MYOZ1: variants seen among roughly 807,000 people sequenced by gnomAD.
MYOZ1 encodes the protein myozenin 1.
MYOZ1 carries 20 observed loss-of-function variants against 28.7 expected under a neutral mutation model. That is an observed-to-expected ratio of 0.70 (90% confidence interval 0.49 to 1.01). The LOEUF is 1.01. Among genes scored for constraint, MYOZ1 ranks in the 50% least tolerant of loss-of-function variants. MYOZ1 has a pLI of 0.00. For synonymous variants in MYOZ1, 144 were observed against 145.8 expected (o/e 0.99, Z 0.09); for missense variants, 371 against 372.4 (o/e 1.00, Z 0.03).
At chr10:73,637,497 G>A (rs2081674366) in intron 3 of MYOZ1, among the ~76,000 whole-genome samples, 1 of 152,160 alleles carries the variant, frequency 6.6e-6, no homozygotes. Context: ...CCTTTACTGG[G>A]AAGGAATTTT....
Position 73,632,022 on chromosome 10 carries a change from G to T in MYOZ1, c.808C>A (p.Arg270=), listed in dbSNP as rs774593816. ...GAGCTCAGCCAGGGAATAGGGGTTC[G>T]ATTGAAAGAAGGCCTGTTGGAGAGG... ...QNLSNRPSFN[R]TPIPWLSSGE... is the part of the protein sequence containing the mutation. The change falls in exon 6 of 6, where the codon CGA becomes AGA. Residue 270 remains arginine (R), a synonymous_variant. Coordinates refer to ENST00000359322, the MANE Select transcript of MYOZ1 (RefSeq NM_021245.4). The T allele has an allele frequency of 3.9e-5, 63 of 1,614,002 alleles. No homozygotes were observed. The highest frequency in any genetic ancestry group is 5.3e-5 in the Non-Finnish European group (62 of 1,180,040).
rs957397552 is a variant in MYOZ1 at position 73,636,799 on chromosome 10, G to T, written c.252+945C>A. Among the ~76,000 whole-genome samples the T allele has an allele frequency of 2.6e-5, 4 of 151,856 alleles. No homozygotes were observed. In the East Asian group the frequency reaches 7.7e-4, roughly 29 times the overall value. ...AGATATGCCTCCAAATATTGCTTGG[G>T]ACTTACTTATACTAAAAAAATTATT... On this transcript the variant is annotated intron_variant, in intron 3 of 5. Transcript: ENST00000359322.
chr10:73,641,055 G>A (rs2081700942), intron 1 of MYOZ1, among the ~76,000 whole-genome samples: 1 of 152,220 alleles, frequency 6.6e-6, no homozygotes, highest in Non-Finnish European at 1.5e-5. Context: ...GCAATGGAAA[G>A]GGACAAACTG....
chr10:73,636,213 T>C (rs985989763), intron 3 of MYOZ1, among the ~76,000 whole-genome samples: 4 of 152,194 alleles, frequency 2.6e-5, no homozygotes, highest in African/African-American at 9.7e-5. Context: ...TATACCATCC[T>C]GTGCCTGGCC....
At chr10:73,641,016 G>A (rs1405709497) in intron 1 of MYOZ1, among the ~76,000 whole-genome samples, 1 of 152,166 alleles carries the variant, frequency 6.6e-6, no homozygotes, top group Non-Finnish European at 1.5e-5. Context: ...GGGAATTGAG[G>A]TGGGGCAGAA....
rs1010185157 is a variant in MYOZ1 at position 73,633,964 on chromosome 10, G to C, written c.604C>G (p.Leu202Val). Reference protein sequence around the residue: ...MGVDPQQKMELGIDLLAYGAK... With the variant: ...MGVDPQQKMEVGIDLLAYGAK... ...CCATAGGCCAGCAGGTCAATGCCAAGTTCCATTTTTTGCTGGGGGTCAACC... is the reference window on the plus strand; with the variant it reads ...CCATAGGCCAGCAGGTCAATGCCAACTTCCATTTTTTGCTGGGGGTCAACC... Residue 202 changes from leucine (L) to valine (V), a missense_variant, in exon 5 of 6, where the codon CTT (leucine) becomes GTT (valine). By Grantham distance (32) the Leu-to-Val change is conservative. Coordinates refer to ENST00000359322, the MANE Select transcript of MYOZ1 (RefSeq NM_021245.4). 2 of 1,613,962 alleles carry C rather than the reference G, an allele frequency of 1.2e-6. No individual in the cohort carries two copies. The highest frequency in any genetic ancestry group is 1.3e-5 in the African/African-American group (1 of 74,934).
At chr10:73,637,671 A>T in intron 3 of MYOZ1, 73 bp downstream of exon 3, 1 of 1,385,764 alleles carries the variant, frequency 7.2e-7, no homozygotes, top group Non-Finnish European at 9.8e-7. Flanking sequence ...TGCATTTTGG[A>T]GGTTCAGGGC....
Position 73,632,018 on chromosome 10 carries a change from G to T in MYOZ1, c.812C>A (p.Thr271Asn), listed in dbSNP as rs1564982774. Residue 271 changes from threonine (T) to asparagine (N), a missense_variant, in exon 6 of 6, where the codon ACC (threonine) becomes AAC (asparagine). Coordinates refer to ENST00000359322, the MANE Select transcript of MYOZ1 (RefSeq NM_021245.4). ...CCCAGAGCTCAGCCAGGGAATAGGG[G>T]TTCGATTGAAAGAAGGCCTGTTGGA... ...NLSNRPSFNR[T>N]PIPWLSSGEP... 2 of 1,614,146 alleles carry T rather than the reference G, an allele frequency of 1.2e-6. No homozygotes were observed. Among genetic ancestry groups the T allele is most frequent in the African/African-American group, 2.7e-5 (2 of 75,026 alleles).
At chr10:73,634,241 A>C (rs149658286) in intron 4 of MYOZ1, among the ~76,000 whole-genome samples, 176 bp from the exon 5 acceptor site, 1 of 152,326 alleles carries the variant, frequency 6.6e-6, no homozygotes, top group East Asian at 1.9e-4. Context: ...TCTGTGACTG[A>C]ATCCGAAAAG....
In MYOZ1 at chr10:73,633,885, C is replaced by G. The variant is rs2081650683; in HGVS notation, c.668+15G>C. 1 of 1,591,914 alleles carries G rather than the reference C, an allele frequency of 6.3e-7. No homozygotes were observed. Among genetic ancestry groups the G allele is most frequent in the Middle Eastern group, 1.7e-4 (1 of 5,898 alleles). On this transcript the variant is annotated intron_variant, in intron 5 of 5. Coordinates refer to ENST00000359322, the MANE Select transcript of MYOZ1 (RefSeq NM_021245.4). ...CACACTAGAATGCATCTGGTTCCTT[C>G]CTCACCACCCCTACCTGTTGAAGGA...
Position 73,631,915 on chromosome 10 carries a change from A to G in MYOZ1, c.*15T>C, listed in dbSNP as rs749388696. 80 of 1,607,806 alleles carry G rather than the reference A, an allele frequency of 5.0e-5. No homozygotes were observed. The highest frequency in any genetic ancestry group is 6.5e-5 in the Non-Finnish European group (76 of 1,174,630). ...CCAGAGAGGGGAAATGATGCAAATC[A>G]GAGGAGGAAACACCTCACAGCTCCT... On this transcript the variant is annotated 3_prime_UTR_variant, in exon 6 of 6. Transcript: ENST00000359322.
Position 73,634,559 on chromosome 10 carries a change from C to A in MYOZ1, c.427G>T (p.Gly143Cys), listed in dbSNP as rs548160261. 4.3e-6 allele frequency: 7 copies of A among 1,614,104 alleles called. No homozygotes were observed. The South Asian group carries it at 6.6e-5, about 15-fold the overall frequency. ...GCCTGGCCCGCGGGACCACCTGTAC[C>A]CCCAGCTCCAGACCCAGAGCCCAGA... ...HHLGSGSGAG[G>C]TGGPAGQAGR... is the part of the protein sequence containing the mutation. The change falls in exon 4 of 6, where the codon GGT becomes TGT. Residue 143 changes from glycine (G) to cysteine (C), a missense_variant. Transcript: ENST00000359322.
chr10:73,637,828 G>C lies in MYOZ1; in HGVS notation c.168C>G (p.Gly56=). 1 of 1,614,112 alleles carries C rather than the reference G, an allele frequency of 6.2e-7. No homozygotes were observed. Among genetic ancestry groups the C allele is most frequent in the Middle Eastern group, 1.6e-4 (1 of 6,062 alleles). Residue 56 remains glycine, a synonymous_variant, in exon 3 of 6, where the codon GGC becomes GGG. Transcript: ENST00000359322. The stretch of plus-strand genomic sequence containing the variant: ...TCTGCCGCAGTTTGAACATCTTGGA[G>C]CCCCGGTTGGTAAGCAGCGACAGTT... The part of the protein sequence containing the change: ...LEELSLLTNR[G]SKMFKLRQMR...
chr10:73,640,118 C>T, intron 1 of MYOZ1, 83 bp from the exon 2 acceptor site: 1 of 1,237,616 alleles, frequency 8.1e-7, no homozygotes, highest in East Asian at 2.4e-5. Context: ...CACTTCTTAA[C>T]CTGGGTTTAA....
rs1210488917 is a variant in MYOZ1 at position 73,633,942 on chromosome 10, T to C, written c.626A>G (p.Tyr209Cys). 2 of 1,613,722 alleles carry C rather than the reference T, an allele frequency of 1.2e-6. No homozygotes were observed. Among genetic ancestry groups the C allele is most frequent in the East Asian group, 4.5e-5 (2 of 44,864 alleles). ...KMELGIDLLA[Y>C]GAKAELPKYK... ...TTTGGGAAGTTCAGCTTTGGCCCCA[T>C]AGGCCAGCAGGTCAATGCCAAGTTC... Residue 209 changes from tyrosine to cysteine, a missense_variant, in exon 5 of 6, where the codon TAT (tyrosine) becomes TGT (cysteine). Coordinates refer to ENST00000359322, the MANE Select transcript of MYOZ1 (RefSeq NM_021245.4).
In MYOZ1 at chr10:73,633,916, A is replaced by C. The variant is rs145071008; in HGVS notation, c.652T>G (p.Tyr218Asp). 1,245 of 1,610,868 alleles carry C rather than the reference A, an allele frequency of 7.7e-4. No homozygotes were observed. The highest frequency in any genetic ancestry group is 8.9e-4 in the Non-Finnish European group (1,049 of 1,178,634). Residue 218 changes from tyrosine to aspartate, a missense_variant, in exon 5 of 6, where the codon TAT becomes GAT. Physicochemically the swap from Tyr to Asp is radical, Grantham distance 160. Coordinates refer to ENST00000359322, the MANE Select transcript of MYOZ1 (RefSeq NM_021245.4). ...AYGAKAELPKYKSFNRTAMPY... is the reference protein window; with the variant it reads ...AYGAKAELPKDKSFNRTAMPY... ...CACCCCTACCTGTTGAAGGACTTAT[A>C]TTTGGGAAGTTCAGCTTTGGCCCCA...
At chr10:73,638,776 C>A (rs888927906) in intron 2 of MYOZ1, among the ~76,000 whole-genome samples, 1 of 151,538 alleles carries the variant, frequency 6.6e-6, no homozygotes, top group Non-Finnish European at 1.5e-5. Context: ...AAGTGATTCT[C>A]CTCCCTCAGT....
intron 2 of MYOZ1, among the ~76,000 whole-genome samples, chr10:73,639,082 C>T (rs1176115704): frequency 6.7e-6 from 1 of 150,372 alleles, no homozygotes; most frequent in Non-Finnish European, 1.5e-5. Context: ...GCTGCGATTA[C>T]AGGTATGAGA....
At chr10:73,636,461 A>AT (rs34952868) in intron 3 of MYOZ1, among the ~76,000 whole-genome samples, 57 of 147,198 alleles carry the variant, frequency 3.9e-4, no homozygotes, top group Admixed American at 1.0e-3. Context: ...ACAAATTTTT[A>AT]TTTTTTTTTT....
Sources: allele counts gnomAD v4.1 joint callset (sites outside exome capture counted in the v4.1 genomes callset), GRCh38; gene constraint gnomAD v4.1.1; transcripts MANE v1.5; gene names NCBI Gene and HGNC (gene_info 2026-07-23, HGNC 2026-07-21).